Variants in NEGR1 observed in about 807,000 individuals in gnomAD.
NEGR1 encodes the protein IgLON family member 4.
Under a neutral mutation model 40.9 loss-of-function variants are expected in NEGR1, and 10 were observed. That is an observed-to-expected ratio of 0.24 (90% CI 0.15 to 0.42). The LOEUF is 0.42. Ranked by LOEUF, NEGR1 falls within the 10% of genes least tolerant of loss-of-function variation. The pLI is 1.00. For synonymous variants in NEGR1, 185 were observed against 166.8 expected, an observed-to-expected ratio of 1.11 and a Z score of -0.84; for missense variants, 352 against 438.9, an observed-to-expected ratio of 0.80 and a Z score of 1.77.
intron 6 of NEGR1, among the ~76,000 whole-genome samples, chr1:71,471,108 G>T (rs932864696): frequency 1.3e-5 from 2 of 152,000 alleles, no homozygotes; most frequent in African/African-American, 4.8e-5. Flanking sequence ...TTCCTACACA[G>T]CTTACTAGCT....
At chr1:71,533,351 T>A (rs1254160757) in intron 6 of NEGR1, among the ~76,000 whole-genome samples, 1 of 151,670 alleles carries the variant, frequency 6.6e-6, no homozygotes, top group Non-Finnish European at 1.5e-5. Context: ...TAAATAAAAA[T>A]CATTGATAAA....
chr1:72,247,216 T>C (rs1240694886), intron 1 of NEGR1, among the ~76,000 whole-genome samples: 1 of 152,210 alleles, frequency 6.6e-6, no homozygotes, highest in African/African-American at 2.4e-5. Flanking sequence ...TCCCTTTTGG[T>C]TATGTGAATA....
intron 2 of NEGR1, among the ~76,000 whole-genome samples, chr1:71,787,712 T>G (rs1489667151): frequency 6.6e-6 from 1 of 152,200 alleles, no homozygotes; most frequent in Non-Finnish European, 1.5e-5. Flanking sequence ...CTACATGGTT[T>G]ATGAAAGTAA....
At chr1:72,005,930 C>A (rs1292066727) in intron 1 of NEGR1, among the ~76,000 whole-genome samples, 1 of 152,170 alleles carries the variant, frequency 6.6e-6, no homozygotes, top group East Asian at 1.9e-4. Context: ...ATCTGGCCAA[C>A]CTTTTCTAAT....
At chr1:72,138,160 T>A (rs932390901) in intron 1 of NEGR1, among the ~76,000 whole-genome samples, 2 of 152,130 alleles carry the variant, frequency 1.3e-5, no homozygotes, top group African/African-American at 4.8e-5. Context: ...GGAGTATATG[T>A]AAGATTTTTC....
At chr1:72,175,684 T>TAA (rs535705252) in intron 1 of NEGR1, among the ~76,000 whole-genome samples, 19 of 148,010 alleles carry the variant, frequency 1.3e-4, no homozygotes, top group African/African-American at 2.7e-4. Flanking sequence ...AGGGGTAAAT[T>TAA]AAAAAAAAAA....
intron 6 of NEGR1, among the ~76,000 whole-genome samples, chr1:71,568,255 G>A (rs1648686277): frequency 6.6e-6 from 1 of 152,098 alleles, no homozygotes; most frequent in Non-Finnish European, 1.5e-5. Context: ...CTTGATGGGG[G>A]ATACGCATTC....
chr1:72,000,024 G>A (rs973453193), intron 1 of NEGR1, among the ~76,000 whole-genome samples: 1 of 151,802 alleles, frequency 6.6e-6, no homozygotes, highest in African/African-American at 2.4e-5. Context: ...TGTGCATTAT[G>A]TTGTTCGGTT....
chr1:71,795,988 G>A (rs916650700), intron 2 of NEGR1, among the ~76,000 whole-genome samples: 7 of 152,126 alleles, frequency 4.6e-5, no homozygotes, highest in Non-Finnish European at 1.0e-4. Flanking sequence ...GCATTTCTGG[G>A]TGTACATGTA....
intron 1 of NEGR1, among the ~76,000 whole-genome samples, chr1:72,078,394 A>G (rs545784258): frequency 6.6e-6 from 1 of 152,094 alleles, no homozygotes; most frequent in African/African-American, 2.4e-5. Context: ...AAATTCATAC[A>G]TGGCTTTTGA....
intron 1 of NEGR1, among the ~76,000 whole-genome samples, chr1:72,277,078 G>T (rs1456525098): frequency 6.6e-6 from 1 of 152,108 alleles, no homozygotes; most frequent in Non-Finnish European, 1.5e-5. Context: ...CCAAAACAAT[G>T]AAAGAAGGGA....
chr1:72,018,042 C>G (rs533249232), intron 1 of NEGR1, among the ~76,000 whole-genome samples: 2 of 152,100 alleles, frequency 1.3e-5, no homozygotes, highest in East Asian at 3.9e-4. Context: ...AGGATTTTAT[C>G]TGGCTCATTG....
intron 6 of NEGR1, among the ~76,000 whole-genome samples, chr1:71,481,495 C>T (rs937380339): frequency 4.0e-5 from 6 of 151,726 alleles, no homozygotes; most frequent in East Asian, 1.9e-4. Flanking sequence ...CCCTTTAAAA[C>T]GGCAACAATG....
chr1:71,650,735 T>C (rs976053487), intron 4 of NEGR1, among the ~76,000 whole-genome samples: 4 of 152,150 alleles, frequency 2.6e-5, no homozygotes, highest in African/African-American at 9.6e-5. Context: ...GTCATCACCA[T>C]GTGCTCTAAA....
intron 3 of NEGR1, among the ~76,000 whole-genome samples, chr1:71,734,329 T>G (rs1014190819): frequency 6.6e-6 from 1 of 152,170 alleles, no homozygotes; most frequent in African/African-American, 2.4e-5. Context: ...GCAAGATATT[T>G]AACCACTCTT....
chr1:72,108,206 T>G (rs1239124571), intron 1 of NEGR1, among the ~76,000 whole-genome samples: 1 of 151,626 alleles, frequency 6.6e-6, no homozygotes, highest in African/African-American at 2.4e-5. Flanking sequence ...AGATGGGATA[T>G]TTTATGACAA....
chr1:71,787,309 C>T lies in NEGR1; in HGVS notation c.410-11012G>A, dbSNP rs551561463. 1.8e-3 allele frequency among the ~76,000 whole-genome samples: 278 copies of T among 152,264 alleles called. 1 individual carries two copies. The highest frequency in any genetic ancestry group is 3.6e-3 in the Non-Finnish European group (242 of 68,016). On this transcript the variant is annotated intron_variant, in intron 2 of 6. Coordinates refer to ENST00000357731, the MANE Select transcript of NEGR1 (RefSeq NM_173808.3). ...AATAGACAATGGAACAAAGTAAAGCCTCCAGAAATAGATGATAAAACTTCC... is the reference window on the plus strand; with the variant it reads ...AATAGACAATGGAACAAAGTAAAGCTTCCAGAAATAGATGATAAAACTTCC...
intron 1 of NEGR1, among the ~76,000 whole-genome samples, chr1:72,063,076 GTATT>G (rs1647202873): frequency 6.6e-6 from 1 of 151,418 alleles, no homozygotes; most frequent in South Asian, 2.1e-4. Flanking sequence ...TTATGATATA[GTATT>G]TATTTTGAAA....
At chr1:71,653,507 T>C (rs1165754028) in intron 4 of NEGR1, among the ~76,000 whole-genome samples, 1 of 152,200 alleles carries the variant, frequency 6.6e-6, no homozygotes, top group Non-Finnish European at 1.5e-5. Flanking sequence ...TTGTATTAGA[T>C]TGAGGTCTTT....
Sources: gnomAD v4.1 joint callset for allele counts (sites outside exome capture counted in the v4.1 genomes callset) on GRCh38, gnomAD v4.1.1 for gene constraint, MANE v1.5 for transcripts, NCBI Gene and HGNC (gene_info 2026-07-23, HGNC 2026-07-21) for gene names.